The following ZSWIM6 variants were observed in gnomAD, a reference collection of about 807,000 sequenced individuals.
ZSWIM6 encodes the protein zinc finger SWIM-type containing 6, also known as zinc finger SWIM domain-containing protein 6.
A neutral mutation model predicts 113.2 loss-of-function variants in ZSWIM6; 9 were observed. The observed-to-expected ratio is 0.08, with a 90% CI of 0.05 to 0.14. The LOEUF (loss-of-function observed/expected upper bound fraction) is 0.14. Among genes scored for constraint, ZSWIM6 ranks in the 10% least tolerant of loss-of-function variants. The pLI is 1.00. For missense variants in ZSWIM6, 1,162 were observed against 1,552.2 expected (o/e 0.75, Z 4.22); for synonymous variants, 611 against 606.5 (o/e 1.01, Z -0.11).
chr5:61,402,577 C>T (rs984528305), intron 1 of ZSWIM6, among the ~76,000 whole-genome samples: 3 of 151,852 alleles, frequency 2.0e-5, no homozygotes, highest in Non-Finnish European at 4.4e-5. Context: ...AGAAACTAAC[C>T]AAATGAAGGT....
At chr5:61,375,000 A>T (rs1165137042) in intron 1 of ZSWIM6, 5 of 1,016,986 alleles carry the variant, frequency 4.9e-6, no homozygotes, top group Non-Finnish European at 6.0e-6. Flanking sequence ...TAATAGGAAC[A>T]CTATGAAAAA....
intron 1 of ZSWIM6, among the ~76,000 whole-genome samples, chr5:61,382,817 AAAG>A (rs758835038): frequency 4.0e-4 from 26 of 64,722 alleles, no homozygotes; most frequent in Non-Finnish European, 8.0e-4. Context: ...AATAAAAAAA[AAAG>A]AAAGAAAGAA....
chr5:61,419,011 A>G (rs1362057976), intron 1 of ZSWIM6, among the ~76,000 whole-genome samples: 1 of 152,188 alleles, frequency 6.6e-6, no homozygotes, highest in East Asian at 1.9e-4. Flanking sequence ...TAGTAGAGAC[A>G]GAATTTCACC....
At chr5:61,337,030 C>G (rs951360550) in intron 1 of ZSWIM6, among the ~76,000 whole-genome samples, 2 of 152,136 alleles carry the variant, frequency 1.3e-5, no homozygotes, top group African/African-American at 2.4e-5. Context: ...CCTGTAATCC[C>G]AGCACTTTGG....
At chr5:61,483,343 T>G (rs1747927472) in intron 2 of ZSWIM6, among the ~76,000 whole-genome samples, 1 of 152,174 alleles carries the variant, frequency 6.6e-6, no homozygotes, top group African/African-American at 2.4e-5. Flanking sequence ...TCATGGTCCA[T>G]TCACCTCTTA....
At chr5:61,526,837 G>A (rs1286093333) in intron 7 of ZSWIM6, among the ~76,000 whole-genome samples, 1 of 152,154 alleles carries the variant, frequency 6.6e-6, no homozygotes, top group Non-Finnish European at 1.5e-5. Context: ...ATTCTCTTCT[G>A]TGCAATGAGG....
Position 61,522,625 on chromosome 5 carries a change from A to G in ZSWIM6, c.1513+1183A>G, listed in dbSNP as rs532377360. On this transcript the variant is annotated intron_variant, in intron 5 of 13. Transcript: ENST00000252744. ...TCTGCCTTGTCTAGAGATATTTGCC[A>G]TGGGAATTCAATATTTGAAGTCTGT... Among the ~76,000 whole-genome samples, 41 of 152,366 alleles carry G rather than the reference A, an allele frequency of 2.7e-4. 2 individuals carry two copies. The South Asian group carries it at 8.3e-3, about 31-fold the overall frequency.
In ZSWIM6 at chr5:61,378,712, C is replaced by T. The variant is rs541306854; in HGVS notation, c.676+45764C>T. Among the ~76,000 whole-genome samples, 64 of 152,234 alleles carry T rather than the reference C, an allele frequency of 4.2e-4. No homozygotes were observed. In the South Asian group the frequency reaches 0.013, roughly 30 times the overall value. ...GTGGGATTACAGGCATGCGCCACCA[C>T]GCCTGGCTAATTTTGTATTTTTTTA... On this transcript the variant is annotated intron_variant, in intron 1 of 13. Coordinates refer to ENST00000252744, the MANE Select transcript of ZSWIM6 (RefSeq NM_020928.2).
chr5:61,390,614 T>C (rs1447528814), intron 1 of ZSWIM6: 1 of 677,346 alleles, frequency 1.5e-6, no homozygotes, highest in South Asian at 1.4e-5. Flanking sequence ...ATTTTTTTTT[T>C]CCAGTGGAAA....
At chr5:61,374,766 A>G (rs1023394994) in intron 1 of ZSWIM6, among the ~76,000 whole-genome samples, 1 of 152,072 alleles carries the variant, frequency 6.6e-6, no homozygotes, top group Non-Finnish European at 1.5e-5. Context: ...TGTGTTAGCC[A>G]GGATGGTCTC....
intron 1 of ZSWIM6, among the ~76,000 whole-genome samples, chr5:61,392,608 G>A (rs1209158792): frequency 6.6e-6 from 1 of 152,052 alleles, no homozygotes; most frequent in Non-Finnish European, 1.5e-5. Flanking sequence ...CTGTTTACCG[G>A]CATTTATTTA....
intron 2 of ZSWIM6, among the ~76,000 whole-genome samples, chr5:61,484,633 T>A (rs1340015004): frequency 6.6e-6 from 1 of 152,076 alleles, no homozygotes; most frequent in Non-Finnish European, 1.5e-5. Context: ...TGGATTAGGG[T>A]CTCTGAATTT....
chr5:61,393,344 C>T (rs1421344923), intron 1 of ZSWIM6, among the ~76,000 whole-genome samples: 1 of 152,106 alleles, frequency 6.6e-6, no homozygotes, highest in Non-Finnish European at 1.5e-5. Flanking sequence ...CTGCACCCGG[C>T]CTCTCAATAC....
At chr5:61,534,200 T>G (rs1214376941) in intron 9 of ZSWIM6, among the ~76,000 whole-genome samples, 1 of 152,296 alleles carries the variant, frequency 6.6e-6, no homozygotes, top group South Asian at 2.1e-4. Context: ...ATATGAACTT[T>G]TGAAGAATAT....
chr5:61,344,154 C>T (rs1333273973), intron 1 of ZSWIM6, among the ~76,000 whole-genome samples: 1 of 152,160 alleles, frequency 6.6e-6, no homozygotes. Flanking sequence ...CTTGGCCTCC[C>T]AGAGTGTTGG....
At chr5:61,365,861 C>G (rs1181269286) in intron 1 of ZSWIM6, among the ~76,000 whole-genome samples, 1 of 152,098 alleles carries the variant, frequency 6.6e-6, no homozygotes, top group East Asian at 1.9e-4. Flanking sequence ...GCACATCTGC[C>G]CAATACCTTA....
rs559740277 is a variant in ZSWIM6 at position 61,446,842 on chromosome 5, A to ATG, written c.677-25839_677-25838insTG. 1.8e-3 allele frequency among the ~76,000 whole-genome samples: 269 copies of ATG among 152,332 alleles called. 1 individual carries two copies. The highest frequency in any genetic ancestry group is 6.0e-3 in the African/African-American group (248 of 41,580). ...CACATAAACACTTCTAAACATGTACACGCACACACACACATGCACACAGAA... is the reference window on the plus strand; with the variant it reads ...CACATAAACACTTCTAAACATGTACATGCGCACACACACACATGCACACAGAA... On this transcript the variant is annotated intron_variant, in intron 1 of 13. Transcript: ENST00000252744.
intron 1 of ZSWIM6, among the ~76,000 whole-genome samples, chr5:61,380,409 G>GT (rs1453411201): frequency 6.6e-6 from 1 of 152,146 alleles, no homozygotes; most frequent in African/African-American, 2.4e-5. Context: ...TCTCTTGTAA[G>GT]TTTTCCTAAC....
At chr5:61,433,932 C>T (rs991096572) in intron 1 of ZSWIM6, among the ~76,000 whole-genome samples, 1 of 149,828 alleles carries the variant, frequency 6.7e-6, no homozygotes, top group Non-Finnish European at 1.5e-5. Flanking sequence ...AATTGATGAT[C>T]ATTTACATAA....
Sources: gnomAD v4.1 joint callset for allele counts (sites outside exome capture counted in the v4.1 genomes callset) on GRCh38, gnomAD v4.1.1 for gene constraint, MANE v1.5 for transcripts, NCBI Gene and HGNC (gene_info 2026-07-23, HGNC 2026-07-21) for gene names.